SESTD1: variants seen among roughly 807,000 people sequenced by gnomAD.
SESTD1 encodes SEC14 and spectrin domain containing 1, also known as SEC14 domain and spectrin repeat-containing protein 1.
Under a neutral mutation model 101.7 loss-of-function variants are expected in SESTD1, and 43 were observed. The ratio of observed to expected loss-of-function variants is 0.42; its 90% CI spans 0.33 to 0.55. SESTD1 has a LOEUF of 0.55. SESTD1 is among the 20% of genes least tolerant of loss of function. The probability of loss-of-function intolerance (pLI) is 0.07; values close to 1 mark genes in which losing one functional copy is unlikely to be tolerated. For missense variants in SESTD1, 647 were observed against 815.1 expected, an observed-to-expected ratio of 0.79 and a Z score of 2.51; for synonymous variants, 283 against 286.8, an observed-to-expected ratio of 0.99 and a Z score of 0.13.
At chr2:179,227,188 A>G (rs1293497952) in intron 1 of SESTD1, among the ~76,000 whole-genome samples, 2 of 152,318 alleles carry the variant, frequency 1.3e-5, no homozygotes, top group Admixed American at 6.5e-5. Flanking sequence ...TTCATTATCT[A>G]TATTTCAAAA....
rs527260456 is a variant in SESTD1, at chr2:179,106,392, G to A, written c.*3507C>T. 2 of 152,106 alleles carry A rather than the reference G, an allele frequency of 1.3e-5. No individual in the cohort carries two copies. Among genetic ancestry groups the A allele is most frequent in the Non-Finnish European group, 2.9e-5 (2 of 68,026 alleles). The allele number at this position is 152,106 out of a possible 1,614,324, so 9.4% of individuals were successfully genotyped here. ...ACATAATAATGCCCAATCTCTATTA[G>A]CAAGTAACTTACAATGTAGTAGAGA... On this transcript the variant is annotated 3_prime_UTR_variant, in exon 18 of 18. Transcript: ENST00000428443.
chr2:179,151,044 G>A (rs186868748), intron 6 of SESTD1, among the ~76,000 whole-genome samples: 256 of 152,254 alleles, frequency 1.7e-3, no homozygotes, highest in South Asian at 0.016. Flanking sequence ...GTGGGAATCA[G>A]GCCAAGGCAA....
At chr2:179,201,237 C>T (rs2105509198) in intron 1 of SESTD1, among the ~76,000 whole-genome samples, 1 of 133,396 alleles carries the variant, frequency 7.5e-6, no homozygotes, top group South Asian at 2.9e-4. Flanking sequence ...CATCTCACAC[C>T]AGTCAGAATG....
chr2:179,154,919 T>C (rs2045599941), intron 5 of SESTD1, among the ~76,000 whole-genome samples: 1 of 152,110 alleles, frequency 6.6e-6, no homozygotes, highest in Non-Finnish European at 1.5e-5. Context: ...ATATATAATA[T>C]AACCACAAAA....
chr2:179,197,893 T>C (rs1274033619), intron 1 of SESTD1, among the ~76,000 whole-genome samples: 3 of 148,814 alleles, frequency 2.0e-5, no homozygotes, highest in African/African-American at 7.4e-5. Flanking sequence ...AGGAAAAAAC[T>C]GCATCAACTA....
intron 1 of SESTD1, among the ~76,000 whole-genome samples, chr2:179,217,035 A>G (rs1465265806): frequency 3.1e-3 from 379 of 120,378 alleles, no homozygotes; most frequent in South Asian, 7.7e-3. Context: ...AAACCCTAGA[A>G]GAAAACCTAG....
chr2:179,257,511 T>C (rs1448502682), intron 1 of SESTD1, among the ~76,000 whole-genome samples: 1 of 152,246 alleles, frequency 6.6e-6, no homozygotes, highest in Non-Finnish European at 1.5e-5. Context: ...ACTTGCTTTA[T>C]TGAGATATTT....
intron 3 of SESTD1, among the ~76,000 whole-genome samples, chr2:179,177,147 T>C (rs989824504): frequency 6.6e-6 from 1 of 152,176 alleles, no homozygotes; most frequent in African/African-American, 2.4e-5. Context: ...CAGCAAAATA[T>C]TATCTTCAGT....
intron 1 of SESTD1, among the ~76,000 whole-genome samples, chr2:179,246,850 C>T (rs2047238539): frequency 6.6e-6 from 1 of 152,140 alleles, no homozygotes; most frequent in African/African-American, 2.4e-5. Context: ...TCTAAAAAAT[C>T]TCATGAGAAG....
At chr2:179,153,960 G>A (rs555840474) in intron 5 of SESTD1, among the ~76,000 whole-genome samples, 1 of 151,654 alleles carries the variant, frequency 6.6e-6, no homozygotes, top group African/African-American at 2.4e-5. Context: ...TAATGAAAAC[G>A]AGACTGGGCA....
chr2:179,175,213 T>C (rs550824447), intron 4 of SESTD1, among the ~76,000 whole-genome samples: 5 of 152,136 alleles, frequency 3.3e-5, no homozygotes, highest in African/African-American at 7.2e-5. Context: ...TAAATTTATA[T>C]AGCAAGCTTA....
At chr2:179,229,020 T>C (rs553840171) in intron 1 of SESTD1, among the ~76,000 whole-genome samples, 2 of 152,052 alleles carry the variant, frequency 1.3e-5, no homozygotes, top group African/African-American at 2.4e-5. Flanking sequence ...AGACCACTCA[T>C]AGATGAGAGA....
In SESTD1 at chr2:179,264,755, C is replaced by T. The variant is rs2047539022; in HGVS notation, c.-282G>A. The T allele has an allele frequency of 6.6e-6, 1 of 151,744 alleles. No homozygotes were observed. The highest frequency in any genetic ancestry group is 1.8e-4 in the South Asian group (1 of 5,586). The allele number at this position is 151,744 out of a possible 1,614,324, so 9.4% of individuals were successfully genotyped here. On this transcript the variant is annotated 5_prime_UTR_variant, in exon 1 of 18. Coordinates refer to ENST00000428443, the MANE Select transcript of SESTD1 (RefSeq NM_178123.5). ...CCGGCGACCTCTCGGCACCCGCGGC[C>T]CGAGCCGCGTCCGCGCGACCCCGCG...
chr2:179,208,857 A>C (rs2105515470), intron 1 of SESTD1, among the ~76,000 whole-genome samples: 1 of 134,872 alleles, frequency 7.4e-6, no homozygotes, highest in African/African-American at 2.9e-5. Context: ...GATGAATAGA[A>C]TAGTACCTCA....
Position 179,259,236 on chromosome 2 carries a change from G to C in SESTD1, c.-26+5263C>G, listed in dbSNP as rs535332610. On this transcript the variant is annotated intron_variant, in intron 1 of 17. Transcript: ENST00000428443. The stretch of plus-strand genomic sequence containing the variant: ...CCTAGTGTTAGTTCTCTAGCTTTTT[G>C]TTTGTTTGTTTTTGAGACAGAGTCT... Among the ~76,000 whole-genome samples the C allele has an allele frequency of 4.6e-5, 7 of 151,310 alleles. No homozygotes were observed. In the South Asian group the frequency reaches 1.5e-3, roughly 31 times the overall value.
intron 1 of SESTD1, among the ~76,000 whole-genome samples, chr2:179,241,999 GGC>G (rs1033524114): frequency 2.0e-5 from 3 of 151,560 alleles, no homozygotes; most frequent in Non-Finnish European, 4.4e-5. Context: ...AGAAATAAGA[GGC>G]ATATATGTAA....
At chr2:179,195,085 A>G (rs555486608) in intron 1 of SESTD1, among the ~76,000 whole-genome samples, 1 of 152,358 alleles carries the variant, frequency 6.6e-6, no homozygotes, top group South Asian at 2.1e-4. Context: ...AGCCCATTCT[A>G]GATTGTCCTA....
chr2:179,197,738 C>G (rs912596455), intron 1 of SESTD1, among the ~76,000 whole-genome samples: 32 of 148,394 alleles, frequency 2.2e-4, no homozygotes, highest in African/African-American at 7.7e-4. Context: ...GAAATAAAAT[C>G]CTTTACAGAC....
chr2:179,182,865 T>C (rs2046139844), intron 3 of SESTD1, among the ~76,000 whole-genome samples: 1 of 152,142 alleles, frequency 6.6e-6, no homozygotes, highest in African/African-American at 2.4e-5. Flanking sequence ...ATACATACAT[T>C]TTGGAAATCT....
Sources: gnomAD v4.1 joint callset for allele counts (sites outside exome capture counted in the v4.1 genomes callset) on GRCh38, gnomAD v4.1.1 for gene constraint, MANE v1.5 for transcripts, NCBI Gene and HGNC (gene_info 2026-07-23, HGNC 2026-07-21) for gene names.